CBR1: variants seen among roughly 807,000 people sequenced by gnomAD.
CBR1 encodes the protein carbonyl reductase 1, also known as carbonyl reductase [NADPH] 1.
Under a neutral mutation model 10.6 loss-of-function variants are expected in CBR1, and 11 were observed. The ratio of observed to expected loss-of-function variants is 1.03; its 90% CI spans 0.65 to 1.71. The LOEUF (loss-of-function observed/expected upper bound fraction) is 1.71, where lower values mean the gene tolerates loss of function less well. Among genes scored for constraint, CBR1 ranks in the 40% most tolerant of loss-of-function variants. The pLI is 0.00. For missense variants in CBR1, 361 were observed against 368.6 expected, an observed-to-expected ratio of 0.98 and a Z score of 0.17; for synonymous variants, 158 against 156.7, an observed-to-expected ratio of 1.01 and a Z score of -0.06.
chr21:36,072,238 G>T, intron 2 of CBR1: 1 of 1,550,596 alleles, frequency 6.4e-7, no homozygotes, highest in South Asian at 1.2e-5. Flanking sequence ...AATCTCACCT[G>T]ACTCTACTCA....
At chr21:36,071,881 T>C in intron 2 of CBR1, 1 of 1,536,142 alleles carries the variant, frequency 6.5e-7, no homozygotes, top group Non-Finnish European at 8.7e-7. Flanking sequence ...TCCAAGCCCT[T>C]AGCATGGTTC....
chr21:36,070,894 A>T, intron 1 of CBR1, 56 bp from the exon 2 acceptor site: 1 of 985,958 alleles, frequency 1.0e-6, no homozygotes, highest in Non-Finnish European at 1.5e-6. Flanking sequence ...ATCATTGTAT[A>T]GAATTTTACC....
Position 36,070,830 on chromosome 21 carries a change from T to C in CBR1, c.290-120T>C, listed in dbSNP as rs187761572. On this transcript the variant is annotated intron_variant, in intron 1 of 2. Coordinates refer to ENST00000290349, the MANE Select transcript of CBR1 (RefSeq NM_001757.4). ...CACAATACTGTAACCAGATACAGAC[T>C]TACTTTAGGCAGAGGGCACTAAGTT... is the stretch of plus-strand genomic sequence containing the variant. The C allele has an allele frequency of 9.4e-5, 60 of 641,652 alleles. No individual in the cohort carries two copies. In the African/African-American group the frequency reaches 1.0e-3, roughly 11 times the overall value. 39.7% of individuals were successfully genotyped at this position (641,652 alleles called of 1,614,324 possible). A position where few individuals can be genotyped will look rare whatever the true frequency, so the allele number is the denominator to read the frequency against.
chr21:36,070,190 G>T lies in CBR1; in HGVS notation c.75G>T (p.Leu25=), dbSNP rs1335039633. 1.2e-6 allele frequency: 2 copies of T among 1,604,930 alleles called. No homozygotes were observed. Among genetic ancestry groups the T allele is most frequent in the South Asian group, 1.1e-5 (1 of 90,056 alleles). ...KGIGLAIVRD[L]CRLFSGDVVL... is the part of the protein sequence containing the mutation. ...TCGGCTTGGCCATCGTGCGCGACCT[G>T]TGCCGGCTGTTCTCGGGGGACGTGG... Residue 25 remains leucine, a synonymous_variant, in exon 1 of 3, where the codon CTG becomes CTT. Coordinates refer to ENST00000290349, the MANE Select transcript of CBR1 (RefSeq NM_001757.4).
In CBR1 at chr21:36,072,822, C is replaced by T. The variant is rs768953939; in HGVS notation, c.774C>T (p.Pro258=). The change falls in exon 3 of 3, where the codon CCC becomes CCT. Residue 258 remains proline (P), a synonymous_variant. Transcript: ENST00000290349. ...AETPVYLALL[P]PDAEGPHGQF... Reference sequence around the variant, plus strand: ...CCCCTGTGTACTTGGCCCTTTTGCCCCCAGATGCTGAGGGTCCCCATGGAC... The same window carrying T: ...CCCCTGTGTACTTGGCCCTTTTGCCTCCAGATGCTGAGGGTCCCCATGGAC... The T allele has an allele frequency of 2.5e-6, 4 of 1,613,898 alleles. No individual in the cohort carries two copies. The highest frequency in any genetic ancestry group is 3.3e-4 in the Middle Eastern group (2 of 6,062).
chr21:36,072,972 T>A lies in CBR1; in HGVS notation c.*90T>A. 3 of 852,902 alleles carry A rather than the reference T, an allele frequency of 3.5e-6. No individual in the cohort carries two copies. Among genetic ancestry groups the A allele is most frequent in the Non-Finnish European group, 5.3e-6 (3 of 561,730 alleles). The allele number at this position is 852,902 out of a possible 1,614,324, so 52.8% of individuals were successfully genotyped here. A position where few individuals can be genotyped will look rare whatever the true frequency, so the allele number is the denominator to read the frequency against. ...ATTTACAATGTCATAAATATCCTTA[T>A]ATAAGAAAAAAAATGATCTCTTATC... On this transcript the variant is annotated 3_prime_UTR_variant, in exon 3 of 3. Coordinates refer to ENST00000290349, the MANE Select transcript of CBR1 (RefSeq NM_001757.4).
chr21:36,071,282 C>T (rs2065350349), intron 2 of CBR1: 1 of 676,234 alleles, frequency 1.5e-6, no homozygotes, highest in African/African-American at 1.8e-5. Context: ...GGTCTTTGCA[C>T]ACCTGGCTGA....
intron 1 of CBR1, 89 bp from the exon 2 acceptor site, chr21:36,070,853 GTTTTTTTT>G: frequency 2.0e-6 from 1 of 509,234 alleles, no homozygotes; most frequent in Non-Finnish European, 3.2e-6. Context: ...AGGGCACTAA[GTTTTTTTT>G]TTTTTTTTTT....
At chr21:36,071,611 ACCAC>A in intron 2 of CBR1, 1 of 588,374 alleles carries the variant, frequency 1.7e-6, no homozygotes, top group Non-Finnish European at 3.0e-6. Context: ...CACAGACCCC[ACCAC>A]CCACCCACCA....
At position 36,072,895 on chromosome 21, in the gene CBR1, G is replaced by A; in HGVS notation, c.*13G>A. ...TGAACAGTGGTGAGCTGGGCTCACA[G>A]CTCCATCCATGGGCCCCATTTTGTA... On this transcript the variant is annotated 3_prime_UTR_variant, in exon 3 of 3. Transcript: ENST00000290349. 2 of 1,578,980 alleles carry A rather than the reference G, an allele frequency of 1.3e-6. No individual in the cohort carries two copies. The highest frequency in any genetic ancestry group is 1.1e-5 in the South Asian group (1 of 89,280).
intron 2 of CBR1, 163 bp from the exon 3 acceptor site, chr21:36,072,283 G>T: frequency 6.4e-7 from 1 of 1,552,548 alleles, no homozygotes; most frequent in Non-Finnish European, 8.7e-7. Flanking sequence ...ACTTCTTCAT[G>T]CAACTACCAC....
At chr21:36,071,292 ACT>A (rs928620563) in intron 2 of CBR1, 117 of 666,710 alleles carry the variant, frequency 1.8e-4, no homozygotes, top group Non-Finnish European at 2.3e-4. Flanking sequence ...CACCTGGCTG[ACT>A]CTCATCCTTC....
rs1223191674 is a variant in CBR1, at chr21:36,070,131, C to G, written c.16C>G (p.His6Asp). 7 of 1,535,846 alleles carry G rather than the reference C, an allele frequency of 4.6e-6. No homozygotes were observed. The East Asian group carries it at 1.6e-4, about 35-fold the overall frequency. The change falls in exon 1 of 3, where the codon CAT (histidine) becomes GAT (aspartate). Residue 6 changes from histidine to aspartate, a missense_variant. Coordinates refer to ENST00000290349, the MANE Select transcript of CBR1 (RefSeq NM_001757.4). MSSGI[H>D]VALVTGGNKG... ...CCGTTCAGCCATGTCGTCCGGCATCCATGTAGCGCTGGTGACTGGAGGCAA... is the reference window on the plus strand; with the variant it reads ...CCGTTCAGCCATGTCGTCCGGCATCGATGTAGCGCTGGTGACTGGAGGCAA...
In CBR1 at chr21:36,070,305, A is replaced by T. The variant is rs370920023; in HGVS notation, c.190A>T (p.Ile64Phe). ...GAGCCCGCGCTTCCACCAGCTGGAC[A>T]TCGACGATCTGCAGAGCATCCGCGC... is the stretch of plus-strand genomic sequence containing the variant. ...GLSPRFHQLD[I>F]DDLQSIRALR... Residue 64 changes from isoleucine (I) to phenylalanine (F), a missense_variant, in exon 1 of 3, where the codon ATC (isoleucine) becomes TTC (phenylalanine). Physicochemically the swap from Ile to Phe is conservative, Grantham distance 21. Transcript: ENST00000290349. 8 of 1,613,072 alleles carry T rather than the reference A, an allele frequency of 5.0e-6. No individual in the cohort carries two copies. Among genetic ancestry groups the T allele is most frequent in the East Asian group, 2.2e-5 (1 of 44,854 alleles).
rs1272100463 is a variant in CBR1, at chr21:36,070,188, C to G, written c.73C>G (p.Leu25Val). Residue 25 changes from leucine to valine, a missense_variant, in exon 1 of 3, where the codon CTG becomes GTG. Leu to Val is a conservative substitution (Grantham distance 32, BLOSUM62 1). Coordinates refer to ENST00000290349, the MANE Select transcript of CBR1 (RefSeq NM_001757.4). The stretch of plus-strand genomic sequence containing the variant: ...CATCGGCTTGGCCATCGTGCGCGAC[C>G]TGTGCCGGCTGTTCTCGGGGGACGT... ...KGIGLAIVRD[L>V]CRLFSGDVVL... The G allele has an allele frequency of 1.2e-6, 2 of 1,603,080 alleles. No individual in the cohort carries two copies. The highest frequency in any genetic ancestry group is 3.4e-5 in the Admixed American group (2 of 58,766).
intron 1 of CBR1, among the ~76,000 whole-genome samples, chr21:36,070,743 C>T (rs889331210): frequency 1.3e-5 from 2 of 152,106 alleles, no homozygotes; most frequent in Non-Finnish European, 2.9e-5. Flanking sequence ...CATCCTCCTT[C>T]CCCCAATGGT....
At position 36,072,500 on chromosome 21, in the gene CBR1, G is replaced by A. The variant is rs1568957942; in HGVS notation, c.452G>A (p.Ser151Asn). ...AGCGTCAGAGCCCTTAAAAGCTGCA[G>A]CCCAGAGCTGCAGCAGAAGTTCCGC... ...IMSVRALKSC[S>N]PELQQKFRSE... Residue 151 changes from serine to asparagine, a missense_variant, in exon 3 of 3, where the codon AGC becomes AAC. Transcript: ENST00000290349. The A allele has an allele frequency of 5.0e-6, 8 of 1,609,190 alleles. No homozygotes were observed. The highest frequency in any genetic ancestry group is 6.8e-6 in the Non-Finnish European group (8 of 1,178,324).
rs1033602242 is a variant in CBR1, at chr21:36,073,082, C to T, written c.*200C>T. On this transcript the variant is annotated 3_prime_UTR_variant, in exon 3 of 3. Coordinates refer to ENST00000290349, the MANE Select transcript of CBR1 (RefSeq NM_001757.4). Reference sequence around the variant, plus strand: ...AATCTGTCAGGTCTTTTGTGATTTCCTCTGATGCAGGAGAGGAAAAATTGT... The same window carrying T: ...AATCTGTCAGGTCTTTTGTGATTTCTTCTGATGCAGGAGAGGAAAAATTGT... 5 of 441,198 alleles carry T rather than the reference C, an allele frequency of 1.1e-5. No homozygotes were observed. The highest frequency in any genetic ancestry group is 8.0e-5 in the African/African-American group (4 of 49,852). The allele number at this position is 441,198 out of a possible 1,614,324, so 27.3% of individuals were successfully genotyped here.
rs1393836095 is a variant in CBR1, at chr21:36,070,974, T to G, written c.314T>G (p.Ile105Ser). Residue 105 changes from isoleucine to serine, a missense_variant, in exon 2 of 3, where the codon ATT becomes AGT. Ile to Ser is a moderately radical substitution (Grantham distance 142, BLOSUM62 -2). Coordinates refer to ENST00000290349, the MANE Select transcript of CBR1 (RefSeq NM_001757.4). ...GTTGCTGATCCCACACCCTTTCATA[T>G]TCAAGCTGAAGTGACGATGAAAACA... ...FKVADPTPFHIQAEVTMKTNF... is the reference protein window; with the variant it reads ...FKVADPTPFHSQAEVTMKTNF... 2 of 1,613,512 alleles carry G rather than the reference T, an allele frequency of 1.2e-6. No homozygotes were observed. The highest frequency in any genetic ancestry group is 1.1e-5 in the South Asian group (1 of 91,068).
Sources: gnomAD v4.1 joint callset for allele counts (sites outside exome capture counted in the v4.1 genomes callset) on GRCh38, gnomAD v4.1.1 for gene constraint, MANE v1.5 for transcripts, NCBI Gene and HGNC (gene_info 2026-07-23, HGNC 2026-07-21) for gene names.